Variants in NFIA observed in about 807,000 individuals in gnomAD.
The protein encoded by NFIA is nuclear factor I A.
In NFIA, 8 loss-of-function variants were observed where a neutral mutation model predicts 62.8. The ratio of observed to expected loss-of-function variants is 0.13; its 90% CI spans 0.07 to 0.23. The LOEUF (loss-of-function observed/expected upper bound fraction) is 0.23, where lower values mean the gene tolerates loss of function less well. Among genes scored for constraint, NFIA ranks in the 10% least tolerant of loss-of-function variants. NFIA has a pLI of 1.00. For missense variants in NFIA, 410 were observed against 642.1 expected, an observed-to-expected ratio of 0.64 and a Z score of 3.91; for synonymous variants, 235 against 238.1, an observed-to-expected ratio of 0.99 and a Z score of 0.12.
chr1:61,317,603 C>T (rs928087840), intron 3 of NFIA, among the ~76,000 whole-genome samples: 1 of 151,846 alleles, frequency 6.6e-6, no homozygotes, highest in Admixed American at 6.6e-5. Flanking sequence ...TAATTTGTTA[C>T]TAGCTTTAGA....
rs1668522315 is a variant in NFIA, at chr1:61,461,322, A to T, written c.*6002A>T. The T allele has an allele frequency of 6.6e-6, 1 of 152,214 alleles. No homozygotes were observed. Among genetic ancestry groups the T allele is most frequent in the African/African-American group, 2.4e-5 (1 of 41,464 alleles). 9.4% of individuals were successfully genotyped at this position (152,214 alleles called of 1,614,324 possible). Reference sequence around the variant, plus strand: ...AATGTAAGAAATCACATGGCTATTTAGTTTCATGCACAGTTGCAATATTTT... The same window carrying T: ...AATGTAAGAAATCACATGGCTATTTTGTTTCATGCACAGTTGCAATATTTT... On this transcript the variant is annotated 3_prime_UTR_variant, in exon 11 of 11. Coordinates refer to ENST00000403491, the MANE Select transcript of NFIA (RefSeq NM_001134673.4).
chr1:61,206,345 T>C (rs1652901770), intron 2 of NFIA, among the ~76,000 whole-genome samples: 1 of 152,204 alleles, frequency 6.6e-6, no homozygotes, highest in East Asian at 1.9e-4. Context: ...AGAGTTTCTT[T>C]CTGCAACACT....
chr1:61,277,607 A>C (rs1426711629), intron 3 of NFIA, 22 bp downstream of exon 3: 1 of 1,612,694 alleles, frequency 6.2e-7, no homozygotes, highest in Non-Finnish European at 8.5e-7. Flanking sequence ...TTGGGACTCT[A>C]GCTGCTGCTT....
chr1:61,092,471 G>A (rs1646337666), intron 2 of NFIA, among the ~76,000 whole-genome samples: 1 of 152,070 alleles, frequency 6.6e-6, no homozygotes, highest in South Asian at 2.1e-4. Flanking sequence ...AATTTTGCTT[G>A]CATCAGGAAT....
intron 4 of NFIA, among the ~76,000 whole-genome samples, chr1:61,335,757 G>A (rs914275463): frequency 9.2e-5 from 14 of 152,022 alleles, no homozygotes; most frequent in African/African-American, 2.4e-4. Context: ...CAGGAGAATC[G>A]CTTGAACCCG....
chr1:61,446,441 A>C (rs761065902), intron 10 of NFIA, among the ~76,000 whole-genome samples: 3 of 152,080 alleles, frequency 2.0e-5, no homozygotes, highest in African/African-American at 7.2e-5. Flanking sequence ...GATTAAACAC[A>C]GGTGGAGAGG....
chr1:61,219,529 AC>A (rs1653871567), intron 2 of NFIA, among the ~76,000 whole-genome samples: 1 of 151,790 alleles, frequency 6.6e-6, no homozygotes, highest in Admixed American at 6.6e-5. Context: ...CCTGGCTAAC[AC>A]GGTGAAACTC....
chr1:61,166,781 G>T (rs1649593266), intron 2 of NFIA, among the ~76,000 whole-genome samples: 1 of 152,190 alleles, frequency 6.6e-6, no homozygotes, highest in African/African-American at 2.4e-5. Flanking sequence ...ATTCAGGAGG[G>T]TTTATTGAGG....
chr1:61,098,498 G>T (rs985786110), intron 2 of NFIA, among the ~76,000 whole-genome samples: 2 of 152,278 alleles, frequency 1.3e-5, no homozygotes, highest in East Asian at 3.9e-4. Flanking sequence ...AATGGTAGAG[G>T]TTCTCTTTTG....
chr1:61,282,067 C>T (rs1440752334), intron 3 of NFIA, among the ~76,000 whole-genome samples: 2 of 152,086 alleles, frequency 1.3e-5, no homozygotes, highest in African/African-American at 4.8e-5. Context: ...TCCTCAGACA[C>T]ATGGACAGAG....
chr1:61,414,206 C>A (rs1011267138), intron 9 of NFIA, among the ~76,000 whole-genome samples: 1 of 152,090 alleles, frequency 6.6e-6, no homozygotes, highest in Non-Finnish European at 1.5e-5. Flanking sequence ...TAGTCTCAAA[C>A]TCCTGGCCTC....
At chr1:61,224,386 C>T (rs1017286512) in intron 2 of NFIA, among the ~76,000 whole-genome samples, 9 of 152,086 alleles carry the variant, frequency 5.9e-5, no homozygotes, top group East Asian at 3.9e-4. Flanking sequence ...AGAGTCATGA[C>T]GCACATTAAT....
intron 3 of NFIA, among the ~76,000 whole-genome samples, chr1:61,325,458 A>T (rs576547248): frequency 1.3e-5 from 2 of 152,180 alleles, no homozygotes; most frequent in Admixed American, 1.3e-4. Flanking sequence ...CTTCTTACAA[A>T]GTTCATCAGT....
chr1:61,359,418 T>G, intron 6 of NFIA, 144 bp downstream of exon 6: 1 of 1,185,826 alleles, frequency 8.4e-7, no homozygotes, highest in South Asian at 1.5e-5. Flanking sequence ...TATTGTAATC[T>G]GATTGCCACA....
intron 2 of NFIA, among the ~76,000 whole-genome samples, chr1:61,129,505 A>G (rs190892593): frequency 7.4e-4 from 107 of 145,134 alleles, no homozygotes; most frequent in African/African-American, 2.7e-3. Flanking sequence ...GCTGGAGTGC[A>G]GTGGTGTGAT....
At chr1:61,374,804 A>G (rs1205941115) in intron 6 of NFIA, among the ~76,000 whole-genome samples, 1 of 152,220 alleles carries the variant, frequency 6.6e-6, no homozygotes, top group East Asian at 1.9e-4. Context: ...CAGAAGCTAT[A>G]TTAACTTTCA....
At chr1:61,292,227 G>A (rs541859641) in intron 3 of NFIA, among the ~76,000 whole-genome samples, 10 of 152,280 alleles carry the variant, frequency 6.6e-5, no homozygotes, top group African/African-American at 2.2e-4. Context: ...GCAAATTTGT[G>A]TTTTAAGGAG....
At chr1:61,289,886 A>G (rs1223111822) in intron 3 of NFIA, among the ~76,000 whole-genome samples, 1 of 152,194 alleles carries the variant, frequency 6.6e-6, no homozygotes, top group Non-Finnish European at 1.5e-5. Context: ...AGATATGTGG[A>G]AAGTGCTGAG....
intron 2 of NFIA, among the ~76,000 whole-genome samples, chr1:61,096,966 C>T (rs572130252): frequency 6.6e-6 from 1 of 152,180 alleles, no homozygotes; most frequent in East Asian, 1.9e-4. Context: ...TATATTAAGT[C>T]ATTATACATA....
Sources: gnomAD v4.1 joint callset for allele counts (sites outside exome capture counted in the v4.1 genomes callset) on GRCh38, gnomAD v4.1.1 for gene constraint, MANE v1.5 for transcripts, NCBI Gene and HGNC (gene_info 2026-07-23, HGNC 2026-07-21) for gene names.